ZBBX: variants seen among roughly 807,000 people sequenced by gnomAD.
The protein encoded by ZBBX is zinc finger B-box domain containing.
In ZBBX, 101 loss-of-function variants were observed where a neutral mutation model predicts 108.5. The ratio of observed to expected loss-of-function variants is 0.93; its 90% CI spans 0.79 to 1.10. The LOEUF is 1.10. Ranked by LOEUF, ZBBX falls within the 50% of genes least tolerant of loss-of-function variation. ZBBX has a pLI of 0.00. For synonymous variants in ZBBX, 356 were observed against 323.4 expected, an observed-to-expected ratio of 1.10 and a Z score of -1.08; for missense variants, 1,009 against 941.4, an observed-to-expected ratio of 1.07 and a Z score of -0.94.
chr3:167,257,864 T>C (rs962855595), intron 20 of ZBBX, among the ~76,000 whole-genome samples: 1 of 152,050 alleles, frequency 6.6e-6, no homozygotes, highest in Non-Finnish European at 1.5e-5. Context: ...CTTTTTTTAC[T>C]GATTTGTTTG....
At chr3:167,329,562 T>C (rs949636234) in intron 10 of ZBBX, among the ~76,000 whole-genome samples, 4 of 152,240 alleles carry the variant, frequency 2.6e-5, no homozygotes, top group Admixed American at 6.5e-5. Context: ...GGGGAAATGA[T>C]GTCTGAATTG....
intron 5 of ZBBX, 155 bp downstream of exon 5, chr3:167,368,306 C>A: frequency 1.8e-6 from 1 of 565,488 alleles, no homozygotes; most frequent in Non-Finnish European, 3.0e-6. Flanking sequence ...GGCACAAAAA[C>A]AAAAAATAGA....
chr3:167,370,944 A>T (rs896690388), intron 4 of ZBBX, among the ~76,000 whole-genome samples: 4 of 152,206 alleles, frequency 2.6e-5, no homozygotes, highest in African/African-American at 7.2e-5. Flanking sequence ...AACAAAACAA[A>T]TCCAAGGGCT....
At chr3:167,276,020 C>G (rs1317588036) in intron 20 of ZBBX, among the ~76,000 whole-genome samples, 2 of 152,142 alleles carry the variant, frequency 1.3e-5, no homozygotes, top group Non-Finnish European at 2.9e-5. Flanking sequence ...CAGGGGCAGA[C>G]TGACACCTCA....
At chr3:167,368,232 C>G (rs1745637343) in intron 5 of ZBBX, among the ~76,000 whole-genome samples, 1 of 151,186 alleles carries the variant, frequency 6.6e-6, no homozygotes, top group Non-Finnish European at 1.5e-5. Flanking sequence ...AGGATAAGAC[C>G]CAATAATGTT....
At chr3:167,373,254 G>A (rs73169189) in intron 3 of ZBBX, among the ~76,000 whole-genome samples, 9,300 of 152,210 alleles carry the variant, frequency 0.061, 389 homozygotes, top group Non-Finnish European at 0.091. Context: ...TAGGTTATGT[G>A]TAGGCTATAT....
chr3:167,384,664 CAT>C (rs1429632230), upstream of ZBBX, among the ~76,000 whole-genome samples: 1 of 152,000 alleles, frequency 6.6e-6, no homozygotes, highest in African/African-American at 2.4e-5. Context: ...CTACAGAAGA[CAT>C]AGTATTGAGA....
chr3:167,333,294 C>A (rs1262700049), intron 10 of ZBBX, among the ~76,000 whole-genome samples: 1 of 151,924 alleles, frequency 6.6e-6, no homozygotes, highest in Admixed American at 6.6e-5. Context: ...AAGTTCATTT[C>A]TTGCTAAAGA....
At chr3:167,404,613 G>A (rs1236574604) in intron 1 of ZBBX, among the ~76,000 whole-genome samples, 1 of 152,150 alleles carries the variant, frequency 6.6e-6, no homozygotes, top group South Asian at 2.1e-4. Flanking sequence ...AGGAAAAGAA[G>A]TTGGTCAACA....
At chr3:167,299,258 A>C (rs138543210) in intron 17 of ZBBX, among the ~76,000 whole-genome samples, 6 of 152,198 alleles carry the variant, frequency 3.9e-5, no homozygotes, top group African/African-American at 1.4e-4. Context: ...GTTCCCATAA[A>C]TCAATGTAAA....
chr3:167,217,395 G>A, the ZBBX span, among the ~76,000 whole-genome samples: 1 of 152,106 alleles, frequency 6.6e-6, no homozygotes, highest in Admixed American at 6.6e-5. Context: ...TTAGAGAAAT[G>A]CAAATCAAAA....
At chr3:167,241,055 C>A in intron 21 of ZBBX, 136 bp from the exon 22 acceptor site, 1 of 875,084 alleles carries the variant, frequency 1.1e-6, no homozygotes, top group Non-Finnish European at 1.6e-6. Context: ...AGACTGGGGC[C>A]ATAATTTTCA....
chr3:167,371,894 C>A (rs909315156), intron 4 of ZBBX, among the ~76,000 whole-genome samples: 3 of 152,026 alleles, frequency 2.0e-5, no homozygotes, highest in Admixed American at 1.3e-4. Flanking sequence ...TGATCTGGAT[C>A]AAAAAACTCA....
chr3:167,395,448 C>T (rs1462410039), intron 1 of ZBBX, among the ~76,000 whole-genome samples: 1 of 151,836 alleles, frequency 6.6e-6, no homozygotes, highest in East Asian at 1.9e-4. Context: ...AGCCTAGTAC[C>T]ATGGAAAAAT....
intron 11 of ZBBX, 72 bp downstream of exon 11, chr3:167,327,870 C>T (rs912124767): frequency 3.0e-5 from 43 of 1,444,716 alleles, no homozygotes; most frequent in Non-Finnish European, 3.5e-5. Context: ...GCCAAGATCA[C>T]GCCGCTGCAC....
intron 16 of ZBBX, among the ~76,000 whole-genome samples, chr3:167,313,289 T>C (rs954984441): frequency 6.6e-5 from 10 of 152,160 alleles, no homozygotes; most frequent in African/African-American, 2.2e-4. Flanking sequence ...TGTTTTGTTT[T>C]TTTGAGACAG....
chr3:167,275,433 G>A (rs371833812), intron 20 of ZBBX, among the ~76,000 whole-genome samples: 2,133 of 152,292 alleles, frequency 0.014, 26 homozygotes, highest in South Asian at 0.026. Context: ...CACTGTGCGC[G>A]AGCCGAAGCA....
In ZBBX at chr3:167,267,036, C is replaced by A. The variant is rs1006818452; in HGVS notation, c.2254+15202G>T. Reference sequence around the variant, plus strand: ...CTGCAGCGACCAGGTAAACTCTGTGCACAAACCAAGGTAAGAAAAGTCACA... The same window carrying A: ...CTGCAGCGACCAGGTAAACTCTGTGAACAAACCAAGGTAAGAAAAGTCACA... On this transcript the variant is annotated intron_variant, in intron 20 of 21. Coordinates refer to ENST00000675490, the MANE Select transcript of ZBBX (RefSeq NM_001199201.2). Among the ~76,000 whole-genome samples, 50 of 152,264 alleles carry A rather than the reference C, an allele frequency of 3.3e-4. No homozygotes were observed. In the East Asian group the frequency reaches 8.7e-3, roughly 26 times the overall value.
Position 167,313,907 on chromosome 3 carries a change from T to C in ZBBX, c.1417+67A>G, listed in dbSNP as rs569668006. 3.6e-6 allele frequency: 5 copies of C among 1,381,394 alleles called. No homozygotes were observed. In the African/African-American group the frequency reaches 5.9e-5, roughly 16 times the overall value. The allele number at this position is 1,381,394 out of a possible 1,614,324, so 85.6% of individuals were successfully genotyped here. ...AAAATGAACAGCATAACAAAGCTTT[T>C]ATAGACTGCAATAGTAAATTATCAA... is the stretch of plus-strand genomic sequence containing the variant. On this transcript the variant is annotated intron_variant, in intron 16 of 21. Coordinates refer to ENST00000675490, the MANE Select transcript of ZBBX (RefSeq NM_001199201.2).
Sources: gnomAD v4.1 joint callset for allele counts (sites outside exome capture counted in the v4.1 genomes callset) on GRCh38, gnomAD v4.1.1 for gene constraint, MANE v1.5 for transcripts, NCBI Gene and HGNC (gene_info 2026-07-23, HGNC 2026-07-21) for gene names.